ADAMTSL3: variants seen among roughly 807,000 people sequenced by gnomAD.
ADAMTSL3 encodes ADAMTS-like protein 3.
In ADAMTSL3, 128 loss-of-function variants were observed where a neutral mutation model predicts 201.7. The ratio of observed to expected loss-of-function variants is 0.63; its 90% CI spans 0.55 to 0.73. The LOEUF (loss-of-function observed/expected upper bound fraction) is 0.73, where lower values mean the gene tolerates loss of function less well. Among genes scored for constraint, ADAMTSL3 ranks in the 30% least tolerant of loss-of-function variants. The pLI is 0.00. For synonymous variants in ADAMTSL3, 738 were observed against 748.4 expected, an observed-to-expected ratio of 0.99 and a Z score of 0.23; for missense variants, 1,990 against 2,119.6, an observed-to-expected ratio of 0.94 and a Z score of 1.20.
intron 23 of ADAMTSL3, among the ~76,000 whole-genome samples, chr15:83,995,883 A>C (rs970710675): frequency 6.6e-6 from 1 of 152,210 alleles, no homozygotes; most frequent in African/African-American, 2.4e-5. Context: ...GACTTAGCAT[A>C]AAGCTTGAGG....
intron 17 of ADAMTSL3, among the ~76,000 whole-genome samples, chr15:83,939,502 T>C (rs550612599): frequency 2.6e-5 from 4 of 152,292 alleles, no homozygotes; most frequent in South Asian, 4.1e-4. Context: ...CATTACTTAT[T>C]GTACTTTTTT....
At chr15:83,954,555 G>C (rs767375563) in intron 19 of ADAMTSL3, among the ~76,000 whole-genome samples, 1 of 152,144 alleles carries the variant, frequency 6.6e-6, no homozygotes, top group Non-Finnish European at 1.5e-5. Context: ...GTGAAGTCAT[G>C]TTTTCCTGTA....
Position 83,750,562 on chromosome 15 carries a change from C to CTT in ADAMTSL3, c.190-22954_190-22953dup, listed in dbSNP as rs35930485. On this transcript the variant is annotated intron_variant, in intron 3 of 29. Coordinates refer to ENST00000286744, the MANE Select transcript of ADAMTSL3 (RefSeq NM_207517.3). ...CAGACAGATTTTTGCATGGGGGAGA[C>CTT]TTTTTTTTGAGACAGAGTGTTGCTC... Among the ~76,000 whole-genome samples, 13 of 151,594 alleles carry CTT rather than the reference C, an allele frequency of 8.6e-5. No homozygotes were observed. In the East Asian group the frequency reaches 2.4e-3, roughly 27 times the overall value.
intron 6 of ADAMTSL3, among the ~76,000 whole-genome samples, chr15:83,822,411 G>A (rs1257017751): frequency 4.4e-5 from 6 of 136,568 alleles, no homozygotes; most frequent in African/African-American, 8.4e-5. Context: ...GGCGGTTGCC[G>A]GGCGGAGGGT....
At chr15:84,037,352 T>C (rs546108244) in intron 29 of ADAMTSL3, among the ~76,000 whole-genome samples, 4 of 152,322 alleles carry the variant, frequency 2.6e-5, no homozygotes, top group Admixed American at 2.6e-4. Flanking sequence ...TGAAGTTATA[T>C]GTAAAAACTG....
chr15:83,886,197 G>A (rs1257959270), intron 10 of ADAMTSL3, among the ~76,000 whole-genome samples: 1 of 152,194 alleles, frequency 6.6e-6, no homozygotes, highest in African/African-American at 2.4e-5. Flanking sequence ...TAGAGCTACT[G>A]TCAAAATAAT....
At chr15:83,969,513 C>G (rs1235724531) in intron 19 of ADAMTSL3, among the ~76,000 whole-genome samples, 1 of 152,134 alleles carries the variant, frequency 6.6e-6, no homozygotes, top group Non-Finnish European at 1.5e-5. Flanking sequence ...AAATATGGTA[C>G]TGTATATACA....
chr15:83,694,924 T>A (rs1047700318), intron 2 of ADAMTSL3, among the ~76,000 whole-genome samples: 11 of 152,190 alleles, frequency 7.2e-5, no homozygotes, highest in Admixed American at 6.5e-4. Flanking sequence ...TTTTCTCCTT[T>A]TGGGGAACTG....
intron 3 of ADAMTSL3, among the ~76,000 whole-genome samples, chr15:83,722,154 A>G (rs1382130873): frequency 6.6e-6 from 1 of 152,214 alleles, no homozygotes; most frequent in Non-Finnish European, 1.5e-5. Flanking sequence ...TGAAATCAAG[A>G]GGCGGGAGAT....
chr15:83,963,996 C>T (rs745905019), intron 19 of ADAMTSL3, among the ~76,000 whole-genome samples: 4 of 152,066 alleles, frequency 2.6e-5, no homozygotes, highest in Non-Finnish European at 4.4e-5. Flanking sequence ...ACAGAAACCC[C>T]GGAAACCCCA....
At chr15:83,995,803 A>G (rs1299929996) in intron 23 of ADAMTSL3, among the ~76,000 whole-genome samples, 1 of 152,158 alleles carries the variant, frequency 6.6e-6, no homozygotes, top group Non-Finnish European at 1.5e-5. Context: ...GAAAGCACAT[A>G]TGGCTGAGAA....
At chr15:83,894,218 A>G (rs2065568304) in intron 13 of ADAMTSL3, among the ~76,000 whole-genome samples, 2 of 152,344 alleles carry the variant, frequency 1.3e-5, no homozygotes, top group Middle Eastern at 6.8e-3. Context: ...GGTAAAGACC[A>G]TATTAATCTT....
At chr15:84,006,256 A>G (rs916916839) in intron 23 of ADAMTSL3, among the ~76,000 whole-genome samples, 1 of 152,202 alleles carries the variant, frequency 6.6e-6, no homozygotes, top group African/African-American at 2.4e-5. Context: ...TCATTTCTTC[A>G]TGATTCCCCA....
chr15:83,850,588 C>T (rs12591251), intron 7 of ADAMTSL3, among the ~76,000 whole-genome samples: 7,087 of 151,908 alleles, frequency 0.047, 226 homozygotes, highest in East Asian at 0.19. Flanking sequence ...TACTCTTTAT[C>T]GCCAAGTCTT....
intron 28 of ADAMTSL3, among the ~76,000 whole-genome samples, chr15:84,033,418 T>C (rs921669897): frequency 6.6e-5 from 10 of 152,176 alleles, no homozygotes; most frequent in African/African-American, 2.4e-4. Flanking sequence ...CCTAGTACTT[T>C]GGGAGGCTGA....
At chr15:84,023,001 C>CTTA (rs1465068170) in intron 26 of ADAMTSL3, among the ~76,000 whole-genome samples, 5 of 152,146 alleles carry the variant, frequency 3.3e-5, no homozygotes, top group Non-Finnish European at 7.3e-5. Context: ...TAAATCACGC[C>CTTA]TTATGTTATA....
rs569472062 is a variant in ADAMTSL3 at position 83,695,331 on chromosome 15, G to T, written c.70-9058G>T. Among the ~76,000 whole-genome samples, 29 of 148,358 alleles carry T rather than the reference G, an allele frequency of 2.0e-4. No homozygotes were observed. In the East Asian group the frequency reaches 5.2e-3, roughly 27 times the overall value. ...AGAGAAAATTCCAGAGAAAATGCATGTTTTGTGGCAGAAGGAGGAGTGGTG... is the reference window on the plus strand; with the variant it reads ...AGAGAAAATTCCAGAGAAAATGCATTTTTTGTGGCAGAAGGAGGAGTGGTG... On this transcript the variant is annotated intron_variant, in intron 2 of 29. Transcript: ENST00000286744.
chr15:83,852,152 G>A lies in ADAMTSL3; in HGVS notation c.728-6614G>A, dbSNP rs150307176. Among the ~76,000 whole-genome samples, 577 of 151,840 alleles carry A rather than the reference G, an allele frequency of 3.8e-3. 5 individuals are homozygous for A. Among genetic ancestry groups the A allele is most frequent in the African/African-American group, 0.013 (547 of 41,396 alleles). On this transcript the variant is annotated intron_variant, in intron 7 of 29. Transcript: ENST00000286744. ...TTTTGAGATGGAGTCTTGCTCTGTC[G>A]CCCAGGCTGGTGTTCAGTGGTATGG... is the stretch of plus-strand genomic sequence containing the variant.
At chr15:83,774,501 T>A (rs2063038615) in intron 4 of ADAMTSL3, among the ~76,000 whole-genome samples, 1 of 152,152 alleles carries the variant, frequency 6.6e-6, no homozygotes, top group Non-Finnish European at 1.5e-5. Context: ...GCAGGGCAGA[T>A]GAGAGATTGT....
Sources: gnomAD v4.1 joint callset for allele counts (sites outside exome capture counted in the v4.1 genomes callset) on GRCh38, gnomAD v4.1.1 for gene constraint, MANE v1.5 for transcripts, NCBI Gene and HGNC (gene_info 2026-07-23, HGNC 2026-07-21) for gene names.